The following ERI3 variants were observed in gnomAD, a reference collection of about 807,000 sequenced individuals.
ERI3 encodes ERI1 exoribonuclease 3.
ERI3 carries 18 observed loss-of-function variants against 44.4 expected under a neutral mutation model. The ratio of observed to expected loss-of-function variants is 0.41; its 90% CI spans 0.28 to 0.60. The LOEUF is 0.60. Among genes scored for constraint, ERI3 ranks in the 20% least tolerant of loss-of-function variants. The pLI is 0.36. For missense variants in ERI3, 294 were observed against 435.5 expected (o/e 0.68, Z 2.89); for synonymous variants, 183 against 164.8 (o/e 1.11, Z -0.84).
intron 7 of ERI3, 68 bp from the exon 8 acceptor site, chr1:44,248,106 T>G: frequency 1.9e-6 from 2 of 1,027,906 alleles, no homozygotes; most frequent in South Asian, 1.5e-5. Context: ...TCACAAGGTC[T>G]TCCCCCCACC....
At chr1:44,240,627 G>A (rs1222164343) in intron 8 of ERI3, among the ~76,000 whole-genome samples, 1 of 152,170 alleles carries the variant, frequency 6.6e-6, no homozygotes, top group African/African-American at 2.4e-5. Flanking sequence ...CCTTATCACG[G>A]GGTTTGAGAA....
chr1:44,314,425 T>C (rs551726597), intron 4 of ERI3, among the ~76,000 whole-genome samples: 1 of 152,280 alleles, frequency 6.6e-6, no homozygotes, highest in African/African-American at 2.4e-5. Flanking sequence ...CCAGAAACTG[T>C]TTTTATATTA....
intron 8 of ERI3, among the ~76,000 whole-genome samples, chr1:44,239,477 T>C (rs1644385706): frequency 6.6e-6 from 1 of 152,156 alleles, no homozygotes; most frequent in Admixed American, 6.5e-5. Context: ...AGGTGATGGT[T>C]AATGCAGGCC....
intron 8 of ERI3, among the ~76,000 whole-genome samples, chr1:44,222,930 G>A (rs1043641047): frequency 2.6e-5 from 4 of 152,262 alleles, no homozygotes; most frequent in Non-Finnish European, 5.9e-5. Context: ...CCTTAGTCTA[G>A]GAAGGGGGAC....
At chr1:44,300,044 G>C (rs1287702252) in intron 6 of ERI3, among the ~76,000 whole-genome samples, 1 of 152,158 alleles carries the variant, frequency 6.6e-6, no homozygotes, top group African/African-American at 2.4e-5. Context: ...CCAGCAAGGA[G>C]GAGGTGATAA....
intron 1 of ERI3, 124 bp from the exon 2 acceptor site, chr1:44,353,049 G>C: frequency 3.3e-6 from 5 of 1,529,522 alleles, no homozygotes; most frequent in Non-Finnish European, 4.4e-6. Context: ...TATGTGCAAA[G>C]ACAGTGCCCC....
chr1:44,239,988 C>T (rs573764808), intron 8 of ERI3, among the ~76,000 whole-genome samples: 22 of 152,372 alleles, frequency 1.4e-4, no homozygotes, highest in Non-Finnish European at 1.5e-5. Flanking sequence ...CCCTTGCACA[C>T]GTGTCCCTGG....
At chr1:44,251,321 T>C (rs1644674721) in intron 7 of ERI3, among the ~76,000 whole-genome samples, 1 of 152,252 alleles carries the variant, frequency 6.6e-6, no homozygotes, top group Non-Finnish European at 1.5e-5. Flanking sequence ...TGCATCGGAC[T>C]TGCCCTCAGG....
intron 7 of ERI3, among the ~76,000 whole-genome samples, chr1:44,265,911 C>A (rs1165319811): frequency 6.6e-6 from 1 of 152,134 alleles, no homozygotes; most frequent in Admixed American, 6.5e-5. Flanking sequence ...AATGGAGTTT[C>A]TTTTAGTGGG....
chr1:44,326,509 C>T (rs1013913734), intron 3 of ERI3, among the ~76,000 whole-genome samples: 12 of 152,008 alleles, frequency 7.9e-5, no homozygotes, highest in Non-Finnish European at 4.4e-5. Context: ...TAATTTATGG[C>T]GGGTTAAATT....
intron 7 of ERI3, among the ~76,000 whole-genome samples, chr1:44,281,804 T>G (rs1192597645): frequency 4.0e-5 from 6 of 151,652 alleles, no homozygotes; most frequent in Non-Finnish European, 5.9e-5. Flanking sequence ...GATACAGACA[T>G]GCAATTTGGA....
chr1:44,307,908 G>T (rs1645873788), intron 6 of ERI3, among the ~76,000 whole-genome samples: 1 of 152,128 alleles, frequency 6.6e-6, no homozygotes, highest in Non-Finnish European at 1.5e-5. Context: ...AAAATAGGAA[G>T]AATAATAATG....
chr1:44,347,773 G>GT (rs1007993481), intron 2 of ERI3, among the ~76,000 whole-genome samples: 2 of 50,604 alleles, frequency 4.0e-5, no homozygotes, highest in Non-Finnish European at 8.9e-5. Flanking sequence ...GTGTGCATGT[G>GT]TTAAAAAAAA....
chr1:44,230,649 G>A (rs1026846292), intron 8 of ERI3, among the ~76,000 whole-genome samples: 8 of 152,200 alleles, frequency 5.3e-5, no homozygotes, highest in Admixed American at 5.2e-4. Flanking sequence ...CCAGACCCAC[G>A]TGCCAGCAGA....
intron 3 of ERI3, among the ~76,000 whole-genome samples, chr1:44,324,152 C>T (rs771064383): frequency 1.3e-5 from 2 of 152,208 alleles, no homozygotes; most frequent in Non-Finnish European, 1.5e-5. Context: ...ACACAGGCTT[C>T]ACTCTCTCAA....
chr1:44,318,915 T>C (rs555024734), intron 4 of ERI3, among the ~76,000 whole-genome samples: 1 of 152,320 alleles, frequency 6.6e-6, no homozygotes, highest in East Asian at 1.9e-4. Context: ...CAGGGAAAAG[T>C]AGCCACAGAA....
At chr1:44,288,116 A>G (rs1227119399) in intron 6 of ERI3, among the ~76,000 whole-genome samples, 1 of 150,288 alleles carries the variant, frequency 6.7e-6, no homozygotes, top group East Asian at 2.0e-4. Context: ...TCTCAGAGGA[A>G]GACCTATCCC....
At chr1:44,232,139 G>T (rs1379551488) in intron 8 of ERI3, among the ~76,000 whole-genome samples, 1 of 152,118 alleles carries the variant, frequency 6.6e-6, no homozygotes, top group East Asian at 1.9e-4. Context: ...TTTAAAATTG[G>T]GGTTTATTTT....
intron 7 of ERI3, among the ~76,000 whole-genome samples, chr1:44,263,246 A>G (rs1014677936): frequency 5.9e-5 from 9 of 152,206 alleles, no homozygotes; most frequent in Non-Finnish European, 1.2e-4. Context: ...ATGTTCATCC[A>G]TGGGCCCAAG....
Sources: gnomAD v4.1 joint callset for allele counts (sites outside exome capture counted in the v4.1 genomes callset) on GRCh38, gnomAD v4.1.1 for gene constraint, MANE v1.5 for transcripts, NCBI Gene and HGNC (gene_info 2026-07-23, HGNC 2026-07-21) for gene names.